The following ACACA variants were observed in gnomAD, a reference collection of about 807,000 sequenced individuals.
ACACA encodes the protein acetyl-CoA carboxylase 1.
A neutral mutation model predicts 296.1 loss-of-function variants in ACACA; 103 were observed. The observed-to-expected ratio is 0.35, with a 90% confidence interval of 0.30 to 0.41. The LOEUF (loss-of-function observed/expected upper bound fraction) is 0.41, where lower values mean the gene tolerates loss of function less well. ACACA is among the 10% of genes least tolerant of loss of function. ACACA has a pLI of 1.00. For synonymous variants in ACACA, 953 were observed against 1,038.6 expected (o/e 0.92, Z 1.58); for missense variants, 1,554 against 2,989.7 (o/e 0.52, Z 11.20).
chr17:37,132,524 T>A (rs1338151772), intron 45 of ACACA, among the ~76,000 whole-genome samples: 1 of 152,182 alleles, frequency 6.6e-6, no homozygotes, highest in Non-Finnish European at 1.5e-5. Context: ...GCAGTATTTT[T>A]AATTATTAAA....
chr17:37,251,864 C>T (rs1417550002), intron 16 of ACACA, 141 bp downstream of exon 16: 4 of 801,392 alleles, frequency 5.0e-6, no homozygotes, highest in Non-Finnish European at 8.5e-6. Context: ...TCCCCTCTTT[C>T]TTGCCACCAT....
intron 1 of ACACA, among the ~76,000 whole-genome samples, chr17:37,356,621 G>A (rs779795869): frequency 1.8e-4 from 27 of 151,676 alleles, no homozygotes; most frequent in Non-Finnish European, 2.8e-4. Context: ...CTTGTGATTC[G>A]CCAGCCTCGA....
intron 1 of ACACA, among the ~76,000 whole-genome samples, chr17:37,351,581 T>C (rs970792209): frequency 1.3e-5 from 2 of 152,232 alleles, no homozygotes; most frequent in Admixed American, 1.3e-4. Context: ...GCTACTCTGA[T>C]CCCTTATCTC....
chr17:37,150,983 C>T (rs905919725), intron 44 of ACACA, among the ~76,000 whole-genome samples: 2 of 151,120 alleles, frequency 1.3e-5, no homozygotes, highest in Non-Finnish European at 2.9e-5. Flanking sequence ...ACACGGGAGG[C>T]GGAGGTTGCA....
At chr17:37,279,159 C>T (rs2082395325) in intron 5 of ACACA, among the ~76,000 whole-genome samples, 1 of 152,006 alleles carries the variant, frequency 6.6e-6, no homozygotes, top group Admixed American at 6.6e-5. Context: ...TGGTGATTAT[C>T]TTGTTCTTAT....
At chr17:37,305,273 T>C (rs994841915) in intron 3 of ACACA, among the ~76,000 whole-genome samples, 2 of 152,260 alleles carry the variant, frequency 1.3e-5, no homozygotes, top group Admixed American at 6.5e-5. Context: ...AGTTTGTTTT[T>C]TTCTTTCTTG....
chr17:37,181,414 C>T (rs2077311830), intron 39 of ACACA, 58 bp from the exon 40 acceptor site: 2 of 1,589,882 alleles, frequency 1.3e-6, no homozygotes, highest in African/African-American at 2.7e-5. Context: ...CAGAGAGCTG[C>T]CTAGAGGGGC....
intron 47 of ACACA, 102 bp downstream of exon 47, chr17:37,129,263 T>C: frequency 1.3e-6 from 2 of 1,517,536 alleles, no homozygotes; most frequent in Non-Finnish European, 1.8e-6. Context: ...CTTACCTCTG[T>C]TTTCTTAGTC....
chr17:37,350,250 G>T (rs1404073428), intron 1 of ACACA, among the ~76,000 whole-genome samples: 1 of 151,688 alleles, frequency 6.6e-6, no homozygotes, highest in Non-Finnish European at 1.5e-5. Flanking sequence ...CGGACTGCTT[G>T]ATTCCAGGAG....
intron 5 of ACACA, among the ~76,000 whole-genome samples, chr17:37,280,723 C>G (rs997486183): frequency 8.8e-6 from 1 of 113,184 alleles, no homozygotes; most frequent in Non-Finnish European, 1.7e-5. Flanking sequence ...TCAACTTTTA[C>G]ATAGTTAACA....
At chr17:37,177,946 C>T (rs909486058) in intron 41 of ACACA, among the ~76,000 whole-genome samples, 2 of 152,112 alleles carry the variant, frequency 1.3e-5, no homozygotes, top group South Asian at 2.1e-4. Context: ...TAGCCACACA[C>T]CTTGTATATA....
intron 35 of ACACA, among the ~76,000 whole-genome samples, chr17:37,194,920 A>G (rs1185414901): frequency 6.6e-6 from 1 of 152,026 alleles, no homozygotes; most frequent in Non-Finnish European, 1.5e-5. Flanking sequence ...TTTGTTCTAA[A>G]TAATTCTCTG....
chr17:37,261,808 G>A (rs559271745), intron 11 of ACACA, among the ~76,000 whole-genome samples: 2 of 152,252 alleles, frequency 1.3e-5, no homozygotes, highest in African/African-American at 4.8e-5. Context: ...AACTGCTATG[G>A]ACCAACGATT....
chr17:37,187,085 A>C lies in ACACA; in HGVS notation c.4776+1192T>G, dbSNP rs551347275. ...ATGTCTTTAAAGTTGCACTAAAAAA[A>C]CATCAAATACAGCAAAAAATATTGA... On this transcript the variant is annotated intron_variant, in intron 39 of 55. Coordinates refer to ENST00000616317, the MANE Select transcript of ACACA (RefSeq NM_198834.3). Among the ~76,000 whole-genome samples, 3 of 152,278 alleles carry C rather than the reference A, an allele frequency of 2.0e-5. No individual in the cohort carries two copies. The South Asian group carries it at 6.2e-4, about 32-fold the overall frequency.
At chr17:37,392,462 A>T (rs938762480) in intron 1 of ACACA, 1 of 152,198 alleles carries the variant, frequency 6.6e-6, no homozygotes, top group South Asian at 2.1e-4. Flanking sequence ...CTATGAGTCA[A>T]ATCTAACCTG....
At chr17:37,173,659 T>A (rs2076957588) in intron 41 of ACACA, among the ~76,000 whole-genome samples, 1 of 152,016 alleles carries the variant, frequency 6.6e-6, no homozygotes, top group Non-Finnish European at 1.5e-5. Context: ...AGACATAGGA[T>A]ATCAGTACAT....
intron 1 of ACACA, among the ~76,000 whole-genome samples, chr17:37,390,334 A>ATATATATATATATATATATATATCTAT (rs2050822111): frequency 3.2e-5 from 3 of 93,416 alleles, no homozygotes; most frequent in Non-Finnish European, 5.8e-5. Context: ...ATATATATAT[A>ATATATATATATATATATATATATCTAT]AAAGGCCAGC....
rs569033886 is a variant in ACACA, at chr17:37,265,258, G to C, written c.1120-1364C>G. Reference sequence around the variant, plus strand: ...GGAACAGCAAAGTCACATTGCAAAGGGTGTACATACAGGAATGGGAGGAGT... The same window carrying C: ...GGAACAGCAAAGTCACATTGCAAAGCGTGTACATACAGGAATGGGAGGAGT... On this transcript the variant is annotated intron_variant, in intron 10 of 55. Coordinates refer to ENST00000616317, the MANE Select transcript of ACACA (RefSeq NM_198834.3). 1.4e-4 allele frequency among the ~76,000 whole-genome samples: 21 copies of C among 152,250 alleles called. No individual in the cohort carries two copies. The South Asian group carries it at 4.4e-3, about 32-fold the overall frequency.
chr17:37,289,428 A>G (rs915121145), intron 3 of ACACA: 1 of 1,349,822 alleles, frequency 7.4e-7, no homozygotes, highest in South Asian at 1.1e-5. Flanking sequence ...CTTGAAAATC[A>G]GCAACTGTAA....
Sources: gnomAD v4.1 joint callset for allele counts (sites outside exome capture counted in the v4.1 genomes callset) on GRCh38, gnomAD v4.1.1 for gene constraint, MANE v1.5 for transcripts, NCBI Gene and HGNC (gene_info 2026-07-23, HGNC 2026-07-21) for gene names.